ZNF644: variants seen among roughly 807,000 people sequenced by gnomAD.
ZNF644 encodes the protein zinc finger motif enhancer binding protein 2.
Under a neutral mutation model 108.0 loss-of-function variants are expected in ZNF644, and 20 were observed. That is an observed-to-expected ratio of 0.19 (90% CI 0.13 to 0.27). ZNF644 has a LOEUF of 0.27. ZNF644 is among the 10% of genes least tolerant of loss of function. ZNF644 has a pLI of 1.00. For synonymous variants in ZNF644, 542 were observed against 539.1 expected, an observed-to-expected ratio of 1.01 and a Z score of -0.08; for missense variants, 1,338 against 1,548.9, an observed-to-expected ratio of 0.86 and a Z score of 2.29.
At chr1:90,965,768 AG>A in intron 2 of ZNF644, among the ~76,000 whole-genome samples, 1 of 151,852 alleles carries the variant, frequency 6.6e-6, no homozygotes, top group South Asian at 2.1e-4. Context: ...CTTTTTTTTG[AG>A]ATGGAGTTTC....
chr1:90,970,316 T>C (rs148596927), intron 2 of ZNF644, among the ~76,000 whole-genome samples: 3 of 152,306 alleles, frequency 2.0e-5, no homozygotes, highest in Non-Finnish European at 4.4e-5. Context: ...TTGCTAACTA[T>C]CCTTTCTTGT....
intron 1 of ZNF644, among the ~76,000 whole-genome samples, chr1:91,001,451 T>A (rs981732198): frequency 6.6e-6 from 1 of 152,240 alleles, no homozygotes; most frequent in African/African-American, 2.4e-5. Flanking sequence ...ATTATCTCAA[T>A]AGATGCAGAA....
chr1:90,939,635 T>C lies in ZNF644; in HGVS notation c.1719A>G (p.Lys573=). The C allele has an allele frequency of 6.2e-7, 1 of 1,614,004 alleles. No individual in the cohort carries two copies. The highest frequency in any genetic ancestry group is 8.5e-7 in the Non-Finnish European group (1 of 1,179,924). ...TTTTGGATGATCCTACTACAGAGTC[T>C]TTCATGAAAGTCTTTTTTTGTGTTT... ...QRKTQKKTFM[K]DSVVGSSKKS... is the part of the protein sequence containing the mutation. The change falls in exon 3 of 6, where the codon AAA becomes AAG. Residue 573 remains lysine, a synonymous_variant. Coordinates refer to ENST00000337393, the MANE Select transcript of ZNF644 (RefSeq NM_201269.3).
intron 4 of ZNF644, among the ~76,000 whole-genome samples, chr1:90,933,655 C>T (rs1650996005): frequency 7.4e-6 from 1 of 135,322 alleles, no homozygotes; most frequent in Admixed American, 7.7e-5. Flanking sequence ...CAGAGCGAGA[C>T]TCCGTCTCAA....
At chr1:90,925,486 A>G (rs1376649292) in intron 4 of ZNF644, among the ~76,000 whole-genome samples, 2 of 152,046 alleles carry the variant, frequency 1.3e-5, no homozygotes, top group Non-Finnish European at 2.9e-5. Context: ...TAAACTCTAT[A>G]CCTAATGATA....
chr1:90,937,390 T>C, intron 4 of ZNF644, 95 bp downstream of exon 4: 2 of 1,555,802 alleles, frequency 1.3e-6, no homozygotes, highest in East Asian at 2.2e-5. Flanking sequence ...AACAGGAAGA[T>C]TGTGAGAAAG....
At chr1:90,993,489 G>A (rs1206844763) in intron 1 of ZNF644, among the ~76,000 whole-genome samples, 1 of 152,110 alleles carries the variant, frequency 6.6e-6, no homozygotes, top group Non-Finnish European at 1.5e-5. Context: ...AATGTTTATT[G>A]ATTTAAATCA....
At chr1:90,955,099 G>C (rs1259803487) in intron 2 of ZNF644, among the ~76,000 whole-genome samples, 1 of 152,166 alleles carries the variant, frequency 6.6e-6, no homozygotes, top group East Asian at 1.9e-4. Context: ...CAGAGATCTT[G>C]GATGACCAGG....
Position 91,009,099 on chromosome 1 carries a change from A to C in ZNF644, c.-18+12891T>G, listed in dbSNP as rs1277681094. 9.9e-5 allele frequency among the ~76,000 whole-genome samples: 15 copies of C among 152,052 alleles called. 1 individual carries two copies. The highest frequency in any genetic ancestry group is 9.2e-4 in the Admixed American group (14 of 15,250). ...ATAATAATCATAATAGAAAGAAAAGAACGGCTTATGAGAGCTTGGGCAATA... is the reference window on the plus strand; with the variant it reads ...ATAATAATCATAATAGAAAGAAAAGCACGGCTTATGAGAGCTTGGGCAATA... On this transcript the variant is annotated intron_variant, in intron 1 of 5. Coordinates refer to ENST00000337393, the MANE Select transcript of ZNF644 (RefSeq NM_201269.3).
chr1:90,971,596 T>G (rs1326076398), intron 2 of ZNF644, among the ~76,000 whole-genome samples: 1 of 152,014 alleles, frequency 6.6e-6, no homozygotes, highest in Admixed American at 6.6e-5. Context: ...ATTTTTGTAT[T>G]TTTGGTAGAG....
rs534205016 is a variant in ZNF644, at chr1:91,007,016, C to T, written c.-18+14974G>A. On this transcript the variant is annotated intron_variant, in intron 1 of 5. Transcript: ENST00000337393. ...TTCCATTACTGATTACTTTCCAATG[C>T]TACCTATTTCTAATCCCTTCTTTGT... Among the ~76,000 whole-genome samples, 34 of 152,022 alleles carry T rather than the reference C, an allele frequency of 2.2e-4. 1 individual carries two copies. The highest frequency in any genetic ancestry group is 3.8e-4 in the Non-Finnish European group (26 of 68,002).
intron 1 of ZNF644, among the ~76,000 whole-genome samples, chr1:90,991,289 TGAACAAGTGGAG>T (rs571376800): frequency 7.2e-4 from 109 of 152,286 alleles, no homozygotes; most frequent in African/African-American, 2.4e-3. Flanking sequence ...CAAGTGTTGG[TGAACAAGTGGAG>T]GAACTAAAAC....
rs1227194847 is a variant in ZNF644 at position 90,939,362 on chromosome 1, T to C, written c.1992A>G (p.Thr664=). 6.2e-6 allele frequency: 10 copies of C among 1,613,966 alleles called. No individual in the cohort carries two copies. The highest frequency in any genetic ancestry group is 1.1e-5 in the South Asian group (1 of 91,088). ...TACTTGATTGTGAGGTTGATCCAAA[T>C]GTTCGCTTCACATCTTGTTTTAAAG... ...NSALKQDVKR[T]FGSTSQSSSF... is the part of the protein sequence containing the mutation. Residue 664 remains threonine, a synonymous_variant, in exon 3 of 6, where the codon ACA becomes ACG. Coordinates refer to ENST00000337393, the MANE Select transcript of ZNF644 (RefSeq NM_201269.3).
intron 1 of ZNF644, among the ~76,000 whole-genome samples, chr1:90,997,871 C>A (rs1658309099): frequency 6.6e-6 from 1 of 152,198 alleles, no homozygotes; most frequent in Non-Finnish European, 1.5e-5. Context: ...TTCCAATGGT[C>A]TTAGCAAACG....
At chr1:91,017,373 G>C (rs1286725508) in intron 1 of ZNF644, among the ~76,000 whole-genome samples, 1 of 152,136 alleles carries the variant, frequency 6.6e-6, no homozygotes, top group Non-Finnish European at 1.5e-5. Flanking sequence ...AAGAGGTAGG[G>C]CCAAGATTAG....
intron 2 of ZNF644, among the ~76,000 whole-genome samples, chr1:90,966,314 T>C (rs900795979): frequency 3.3e-5 from 5 of 152,182 alleles, no homozygotes; most frequent in African/African-American, 1.2e-4. Context: ...CATTATTATT[T>C]GATCATTTGT....
intron 2 of ZNF644, among the ~76,000 whole-genome samples, chr1:90,952,833 T>G (rs907181481): frequency 2.0e-5 from 3 of 151,724 alleles, no homozygotes; most frequent in Non-Finnish European, 2.9e-5. Context: ...TTTGTAAAAC[T>G]GACAAAACAC....
intron 2 of ZNF644, among the ~76,000 whole-genome samples, chr1:90,943,394 T>C (rs1478541058): frequency 3.3e-5 from 5 of 152,136 alleles, no homozygotes; most frequent in East Asian, 1.9e-4. Context: ...TGAGCCAAGA[T>C]TGCGCCATTG....
rs1651930488 is a variant in ZNF644, at chr1:90,941,141, C to T, written c.213G>A (p.Thr71=). The T allele has an allele frequency of 1.9e-6, 3 of 1,613,380 alleles. No individual in the cohort carries two copies. The highest frequency in any genetic ancestry group is 1.7e-5 in the Admixed American group (1 of 59,912). The part of the protein sequence containing the change: ...DCQTSFQKNN[T]LTLPEELSKD... ...TTGACAGTTCTTCAGGCAGAGTCAA[C>T]GTATTATTTTTCTGAAATGATGTTT... The change falls in exon 3 of 6, where the codon ACG becomes ACA. Residue 71 remains threonine, a synonymous_variant. Transcript: ENST00000337393.
Sources: allele counts gnomAD v4.1 joint callset (sites outside exome capture counted in the v4.1 genomes callset), GRCh38; gene constraint gnomAD v4.1.1; transcripts MANE v1.5; gene names NCBI Gene and HGNC (gene_info 2026-07-23, HGNC 2026-07-21).